Variants in POPDC1 observed in about 807,000 individuals in gnomAD.
POPDC1 encodes popeye domain cAMP effector 1, also known as popeye domain-containing protein 1.
the POPDC1 span, among the ~76,000 whole-genome samples, chr6:105,127,265 C>T: frequency 1.3e-5 from 2 of 152,082 alleles, no homozygotes; most frequent in Non-Finnish European, 2.9e-5. Context: ...AGACACTAAG[C>T]GATTTACCTA....
chr6:105,127,460 A>G, the POPDC1 span, among the ~76,000 whole-genome samples: 1 of 151,950 alleles, frequency 6.6e-6, no homozygotes, highest in African/African-American at 2.4e-5. Flanking sequence ...CTTTTTATGT[A>G]TTTATTTTTT....
chr6:105,122,450 T>A, the POPDC1 span, among the ~76,000 whole-genome samples: 2 of 152,218 alleles, frequency 1.3e-5, no homozygotes, highest in South Asian at 4.1e-4. Context: ...TGGTAGGAAT[T>A]CCTTTTTTGT....
the POPDC1 span, among the ~76,000 whole-genome samples, chr6:105,110,817 G>A: frequency 6.6e-6 from 1 of 152,054 alleles, no homozygotes; most frequent in Non-Finnish European, 1.5e-5. Flanking sequence ...CCAAGTAGCT[G>A]GGACCACAGG....
At chr6:105,106,385 G>C in the POPDC1 span, among the ~76,000 whole-genome samples, 3 of 152,226 alleles carry the variant, frequency 2.0e-5, no homozygotes, top group Admixed American at 1.3e-4. Flanking sequence ...AGGTGGGAAA[G>C]AGAACTGTAG....
chr6:105,115,905 C>T, the POPDC1 span: 1 of 1,461,236 alleles, frequency 6.8e-7, no homozygotes, highest in Middle Eastern at 2.4e-4. Flanking sequence ...ATGTACTTTT[C>T]CTAGAAATAC....
At chr6:105,132,081 T>A in the POPDC1 span, among the ~76,000 whole-genome samples, 6 of 151,442 alleles carry the variant, frequency 4.0e-5, no homozygotes, top group African/African-American at 1.5e-4. Flanking sequence ...TTCTCCTGCC[T>A]CAGCCTCCCG....
the POPDC1 span, chr6:105,125,502 C>G: frequency 6.2e-7 from 1 of 1,614,128 alleles, no homozygotes; most frequent in Non-Finnish European, 8.5e-7. Flanking sequence ...AGTTAGTCTT[C>G]TGAACAAATC....
At chr6:105,101,247 T>TG in the POPDC1 span, 1 of 1,581,820 alleles carries the variant, frequency 6.3e-7, no homozygotes, top group Non-Finnish European at 8.6e-7. Context: ...AACCACTGAA[T>TG]GCACAATCTA....
chr6:105,135,726 GAGAT>G, the POPDC1 span, among the ~76,000 whole-genome samples: 2 of 152,016 alleles, frequency 1.3e-5, no homozygotes, highest in East Asian at 1.9e-4. Context: ...AAGAGAGAGA[GAGAT>G]ATATATAGAT....
At chr6:105,127,944 G>A in the POPDC1 span, among the ~76,000 whole-genome samples, 5,710 of 152,240 alleles carry the variant, frequency 0.038, 342 homozygotes, top group African/African-American at 0.13. Flanking sequence ...TTTTTTAGTA[G>A]AGACAGGGTT....
At chr6:105,129,304 C>G in the POPDC1 span, 1 of 1,335,940 alleles carries the variant, frequency 7.5e-7, no homozygotes, top group Non-Finnish European at 1.0e-6. Context: ...GATACTTACT[C>G]TTAACTCTGA....
chr6:105,133,095 C>T, the POPDC1 span, among the ~76,000 whole-genome samples: 1 of 152,182 alleles, frequency 6.6e-6, no homozygotes, highest in African/African-American at 2.4e-5. Context: ...CATACTCTTA[C>T]ACATGAATGA....
the POPDC1 span, among the ~76,000 whole-genome samples, chr6:105,132,061 G>A: frequency 0.025 from 3,789 of 151,736 alleles, 148 homozygotes; most frequent in African/African-American, 0.088. Context: ...TGTCTCCGGG[G>A]TTCAAGCAAT....
At chr6:105,126,624 T>C in the POPDC1 span, among the ~76,000 whole-genome samples, 18 of 152,176 alleles carry the variant, frequency 1.2e-4, no homozygotes, top group African/African-American at 4.3e-4. Context: ...GTGAAACCTT[T>C]TGTTTCACAC....
chr6:105,110,940 C>A, the POPDC1 span, among the ~76,000 whole-genome samples: 2 of 152,208 alleles, frequency 1.3e-5, no homozygotes, highest in African/African-American at 4.8e-5. Flanking sequence ...CCTGCCTTGG[C>A]CTCCCAAAGT....
At chr6:105,115,919 AGTGCATTT>A in the POPDC1 span, 1 of 1,329,156 alleles carries the variant, frequency 7.5e-7, no homozygotes, top group African/African-American at 1.5e-5. Flanking sequence ...GAAATACGTT[AGTGCATTT>A]AAAAAAAAGA....
chr6:105,116,499 T>C, the POPDC1 span, among the ~76,000 whole-genome samples: 1 of 152,210 alleles, frequency 6.6e-6, no homozygotes, highest in Non-Finnish European at 1.5e-5. Context: ...CCATAAATGC[T>C]AGTCCCTGAC....
chr6:105,101,085 C>T, the POPDC1 span: 1 of 1,603,776 alleles, frequency 6.2e-7, no homozygotes, highest in Non-Finnish European at 8.5e-7. Flanking sequence ...AATTCTCTCT[C>T]TGATCAAGGC....
At chr6:105,099,655 A>T in the POPDC1 span, 1 of 152,390 alleles carries the variant, frequency 6.6e-6, no homozygotes, top group African/African-American at 2.4e-5. Context: ...AGAGCTCTGG[A>T]ATCAAGGCCC....
Sources: allele counts gnomAD v4.1 joint callset (sites outside exome capture counted in the v4.1 genomes callset), GRCh38; gene constraint gnomAD v4.1.1; transcripts MANE v1.5; gene names NCBI Gene and HGNC (gene_info 2026-07-23, HGNC 2026-07-21).